The following IFT122 variants were observed in gnomAD, a reference collection of about 807,000 sequenced individuals.
IFT122 encodes intraflagellar transport 122, also known as intraflagellar transport protein 122 homolog.
IFT122 carries 118 observed loss-of-function variants against 161.6 expected under a neutral mutation model. The observed-to-expected ratio is 0.73, with a 90% CI of 0.63 to 0.85. The LOEUF is 0.85. Among genes scored for constraint, IFT122 ranks in the 40% least tolerant of loss-of-function variants. The pLI is 0.00. For missense variants in IFT122, 1,381 were observed against 1,579.6 expected, an observed-to-expected ratio of 0.87 and a Z score of 2.13; for synonymous variants, 550 against 602.4, an observed-to-expected ratio of 0.91 and a Z score of 1.27.
intron 4 of IFT122, chr3:129,459,352 C>A (rs111459031): frequency 9.1e-6 from 4 of 441,922 alleles, no homozygotes; most frequent in Non-Finnish European, 1.8e-5. Flanking sequence ...TGCAGTGGCA[C>A]GATCTCGGCT....
In IFT122 at chr3:129,488,042, C is replaced by T. The variant is rs557765165; in HGVS notation, c.1852-215C>T. The stretch of plus-strand genomic sequence containing the variant: ...GGGGAGGATGGGCAGAGAGTTTGTG[C>T]TGTGGAGCACAGTAGCCCAGTCATG... On this transcript the variant is annotated intron_variant, in intron 15 of 29. Coordinates refer to ENST00000348417, the MANE Select transcript of IFT122 (RefSeq NM_052989.3). The T allele has an allele frequency of 3.4e-4, 233 of 682,650 alleles. 5 individuals are homozygous for T. In the Admixed American group the frequency reaches 3.8e-3, roughly 11 times the overall value. 42.3% of individuals were successfully genotyped at this position (682,650 alleles called of 1,614,324 possible). A position where few individuals can be genotyped will look rare whatever the true frequency, so the allele number is the denominator to read the frequency against.
At chr3:129,465,816 G>A (rs1214397076) in intron 7 of IFT122, among the ~76,000 whole-genome samples, 1 of 129,796 alleles carries the variant, frequency 7.7e-6, no homozygotes, top group Non-Finnish European at 1.5e-5. Context: ...CTAATTTTTT[G>A]TATTTTTAGT....
At chr3:129,479,427 C>T (rs2078368157) in intron 12 of IFT122, among the ~76,000 whole-genome samples, 3 of 152,068 alleles carry the variant, frequency 2.0e-5, no homozygotes, top group Admixed American at 2.0e-4. Flanking sequence ...CAGAGTGAGA[C>T]TCTGTCTCAA....
rs2077958483 is a variant in IFT122, at chr3:129,476,430, G to A, written c.932G>A (p.Gly311Glu). The change falls in exon 10 of 30, where the codon GGA becomes GAA. Residue 311 changes from glycine (G) to glutamate (E), a missense_variant. Physicochemically the swap from Gly to Glu is moderately conservative, Grantham distance 98. Around this residue, in one of 7 missense-constraint regions of IFT122, gnomAD observed 544 missense variants for 648.0 expected, o/e 0.84. Coordinates refer to ENST00000348417, the MANE Select transcript of IFT122 (RefSeq NM_052989.3). ...DKQVSLFTKD[G>E]VRLGTVGEQN... ...CAAGTATCTCTTTTCACCAAGGATG[G>A]AGTGCGGCTTGGGACTGTTGGGGAG... 1.9e-6 allele frequency: 3 copies of A among 1,614,156 alleles called. No individual in the cohort carries two copies. In the East Asian group the frequency reaches 6.7e-5, roughly 36 times the overall value.
At chr3:129,516,528 CAG>C (rs2083693218) in intron 26 of IFT122, among the ~76,000 whole-genome samples, 5 of 140,394 alleles carry the variant, frequency 3.6e-5, no homozygotes, top group East Asian at 2.2e-4. Flanking sequence ...CGTGCACACA[CAG>C]AGACTGCCCC....
rs190722421 is a variant in IFT122 at position 129,492,257 on chromosome 3, G to A, written c.2046+63G>A. ...ACTTGGGGTTCCTGTTTTAGGGGCAGCCCTTCTAACAGGCAAGAGCCTTGA... is the reference window on the plus strand; with the variant it reads ...ACTTGGGGTTCCTGTTTTAGGGGCAACCCTTCTAACAGGCAAGAGCCTTGA... On this transcript the variant is annotated intron_variant, in intron 17 of 29. Transcript: ENST00000348417. 3.3e-4 allele frequency: 429 copies of A among 1,291,544 alleles called. 1 individual carries two copies. In the African/African-American group the frequency reaches 5.8e-3, roughly 17 times the overall value. The allele number at this position is 1,291,544 out of a possible 1,614,324, so 80.0% of individuals were successfully genotyped here. A position where few individuals can be genotyped will look rare whatever the true frequency, so the allele number is the denominator to read the frequency against.
At chr3:129,479,985 C>G in intron 13 of IFT122, 63 bp downstream of exon 13, 1 of 1,593,050 alleles carries the variant, frequency 6.3e-7, no homozygotes, top group Non-Finnish European at 8.6e-7. Context: ...GGTGACCCGT[C>G]TAGCAATGAC....
In IFT122 at chr3:129,476,453, G is replaced by A. The variant is rs1383694705; in HGVS notation, c.955G>A (p.Glu319Lys). ...KDGVRLGTVG[E>K]QNSWVWTCQA... ...TGGAGTGCGGCTTGGGACTGTTGGGGAGCAGAACTCCTGGGTGTGGACGTG... is the reference window on the plus strand; with the variant it reads ...TGGAGTGCGGCTTGGGACTGTTGGGAAGCAGAACTCCTGGGTGTGGACGTG... The change falls in exon 10 of 30, where the codon GAG becomes AAG. Residue 319 changes from glutamate to lysine, a missense_variant. By Grantham distance (56) the Glu-to-Lys change is moderately conservative (BLOSUM62 1). Around this residue, in one of 7 missense-constraint regions of IFT122, gnomAD observed 544 missense variants for 648.0 expected, o/e 0.84. Coordinates refer to ENST00000348417, the MANE Select transcript of IFT122 (RefSeq NM_052989.3). 1 of 1,614,124 alleles carries A rather than the reference G, an allele frequency of 6.2e-7. No individual in the cohort carries two copies. Among genetic ancestry groups the A allele is most frequent in the Non-Finnish European group, 8.5e-7 (1 of 1,180,030 alleles).
rs1007260326 is a variant in IFT122 at position 129,465,800 on chromosome 3, G to A, written c.563+1019G>A. On this transcript the variant is annotated intron_variant, in intron 7 of 29. Transcript: ENST00000348417. Reference sequence around the variant, plus strand: ...TGGGACTACAGGCGCCCGCCACCGCGCCCGGCTAATTTTTTGTATTTTTAG... The same window carrying A: ...TGGGACTACAGGCGCCCGCCACCGCACCCGGCTAATTTTTTGTATTTTTAG... 3.6e-4 allele frequency among the ~76,000 whole-genome samples: 47 copies of A among 130,134 alleles called. 18 individuals carry two copies. The highest frequency in any genetic ancestry group is 1.8e-3 in the South Asian group (7 of 3,792). 85.4% of individuals were successfully genotyped at this position (130,134 alleles called of 152,430 possible).
intron 18 of IFT122, among the ~76,000 whole-genome samples, chr3:129,497,732 A>G (rs536070913): frequency 3.9e-5 from 6 of 152,242 alleles, no homozygotes; most frequent in Admixed American, 2.0e-4. Context: ...TTCCTTTTCA[A>G]TCCCCCCTGC....
intron 3 of IFT122, among the ~76,000 whole-genome samples, chr3:129,453,889 C>T (rs1267838593): frequency 2.6e-5 from 4 of 152,146 alleles, no homozygotes; most frequent in Non-Finnish European, 4.4e-5. Context: ...TGAGTTCCAA[C>T]CCCAACCCAA....
chr3:129,479,387 G>C (rs891319400), intron 12 of IFT122, among the ~76,000 whole-genome samples: 6 of 152,072 alleles, frequency 3.9e-5, no homozygotes, highest in African/African-American at 2.4e-5. Flanking sequence ...AGTGAGCTAT[G>C]ATAGCGCCAC....
chr3:129,465,339 A>C (rs543749503), intron 7 of IFT122, among the ~76,000 whole-genome samples: 2 of 152,252 alleles, frequency 1.3e-5, no homozygotes, highest in African/African-American at 4.8e-5. Context: ...CAGAAAGTCA[A>C]AATTAAGTCT....
chr3:129,463,604 A>AGCAGCAAGATCATCTGCT lies in IFT122; in HGVS notation c.399_416dup (p.Lys134_Ser139dup). Reference sequence around the variant, plus strand: ...GAAGTCTGTCTCCAAACACAAATCAAGCAGCAAGATCATCTGCTGCAGGTA... The same window carrying AGCAGCAAGATCATCTGCT: ...GAAGTCTGTCTCCAAACACAAATCAAGCAGCAAGATCATCTGCTGCAGCAAGATCATCTGCTGCAGGTA... On this transcript the variant is annotated inframe_insertion, in exon 6 of 30. Transcript: ENST00000348417. The AGCAGCAAGATCATCTGCT allele has an allele frequency of 6.2e-7, 1 of 1,613,950 alleles. No individual in the cohort carries two copies. Among genetic ancestry groups the AGCAGCAAGATCATCTGCT allele is most frequent in the South Asian group, 1.1e-5 (1 of 91,082 alleles).
intron 16 of IFT122, among the ~76,000 whole-genome samples, chr3:129,491,859 C>T (rs1432516405): frequency 4.6e-5 from 7 of 152,286 alleles, no homozygotes; most frequent in East Asian, 1.9e-4. Context: ...AAGGAGGCAC[C>T]GCCACAGACT....
At chr3:129,499,050 G>C (rs1010919901) in intron 18 of IFT122, among the ~76,000 whole-genome samples, 8 of 152,204 alleles carry the variant, frequency 5.3e-5, no homozygotes, top group Non-Finnish European at 1.2e-4. Flanking sequence ...CCCTAGGCCT[G>C]ATCTCTGAGC....
chr3:129,497,290 G>A (rs6789779), intron 18 of IFT122, among the ~76,000 whole-genome samples: 6,379 of 152,176 alleles, frequency 0.042, 399 homozygotes, highest in African/African-American at 0.13. Flanking sequence ...AAAATGCCTG[G>A]CCTTGGTGCC....
chr3:129,491,798 A>AC (rs1195905074), intron 16 of IFT122, among the ~76,000 whole-genome samples: 2 of 151,360 alleles, frequency 1.3e-5, no homozygotes, highest in African/African-American at 2.4e-5. Flanking sequence ...ATGCTGCGTG[A>AC]CCCCCCAGAG....
rs2084135587 is a variant in IFT122 at position 129,517,576 on chromosome 3, C to G, written c.3373C>G (p.Leu1125Val). 14 of 1,613,526 alleles carry G rather than the reference C, an allele frequency of 8.7e-6. No homozygotes were observed. The highest frequency in any genetic ancestry group is 3.3e-5 in the Admixed American group (2 of 59,988). The stretch of plus-strand genomic sequence containing the variant: ...GAGACCCAAGCGGGATGACAGACAG[C>G]TAGAGATTGCAAACAACAGTATCCA... ...VLRPKRDDRQLEIANNSSQIL... is the reference protein window; with the variant it reads ...VLRPKRDDRQVEIANNSSQIL... Residue 1125 changes from leucine (L) to valine (V), a missense_variant, in exon 27 of 30, where the codon CTA (leucine) becomes GTA (valine). By Grantham distance (32) the Leu-to-Val change is conservative. Around this residue, in one of 7 missense-constraint regions of IFT122, gnomAD observed 177 missense variants for 199.2 expected, o/e 0.89. Coordinates refer to ENST00000348417, the MANE Select transcript of IFT122 (RefSeq NM_052989.3).
Sources: allele counts gnomAD v4.1 joint callset (sites outside exome capture counted in the v4.1 genomes callset), GRCh38; gene constraint gnomAD v4.1.1; regional missense constraint gnomAD v4.1.1; transcripts MANE v1.5; gene names NCBI Gene and HGNC (gene_info 2026-07-23, HGNC 2026-07-21).